Variants in CSMD1 observed in about 807,000 individuals in gnomAD.
The protein encoded by CSMD1 is CUB and Sushi multiple domains 1.
CSMD1 carries 213 observed loss-of-function variants against 417.5 expected under a neutral mutation model. The ratio of observed to expected loss-of-function variants is 0.51; its 90% CI spans 0.46 to 0.57. CSMD1 has a LOEUF of 0.57. Ranked by LOEUF, CSMD1 falls within the 20% of genes least tolerant of loss-of-function variation. The pLI is 0.00. For synonymous variants in CSMD1, 2,862 were observed against 1,736.8 expected (o/e 1.65, Z -16.11); for missense variants, 6,923 against 4,529.7 (o/e 1.53, Z -15.17).
intron 3 of CSMD1, among the ~76,000 whole-genome samples, chr8:4,286,130 A>T (rs149069629): frequency 3.9e-5 from 6 of 152,074 alleles, no homozygotes; most frequent in Non-Finnish European, 8.8e-5. Context: ...ATATGCGCAC[A>T]TAACGTTTTT....
At chr8:3,500,095 C>A (rs1220595302) in intron 10 of CSMD1, among the ~76,000 whole-genome samples, 1 of 152,032 alleles carries the variant, frequency 6.6e-6, no homozygotes, top group Non-Finnish European at 1.5e-5. Context: ...ATCGGGAGTC[C>A]TTTTTTGGCA....
At position 2,954,269 on chromosome 8, in the gene CSMD1, C is replaced by T; in HGVS notation, c.9995-1G>A. On this transcript the variant is annotated splice_acceptor_variant, in intron 64 of 69. Coordinates refer to ENST00000635120, the MANE Select transcript of CSMD1 (RefSeq NM_033225.6). LOFTEE classifies it high-confidence loss of function. ...TCATTAACTTCTCTCACTCCTTTAC[C>T]TACAAGTAAAAAGACAAATTATCAT... 6.8e-7 allele frequency: 1 copy of T among 1,460,968 alleles called. No individual in the cohort carries two copies. Among genetic ancestry groups the T allele is most frequent in the Non-Finnish European group, 9.3e-7 (1 of 1,077,076 alleles). 90.5% of individuals were successfully genotyped at this position (1,460,968 alleles called of 1,614,324 possible). A position where few individuals can be genotyped will look rare whatever the true frequency, so the allele number is the denominator to read the frequency against.
intron 5 of CSMD1, among the ~76,000 whole-genome samples, chr8:3,805,033 T>A (rs1177784491): frequency 6.6e-6 from 1 of 152,160 alleles, no homozygotes; most frequent in African/African-American, 2.4e-5. Context: ...TTGGTCATAT[T>A]CACACTGGAA....
At chr8:4,058,334 T>C (rs1199723097) in intron 3 of CSMD1, among the ~76,000 whole-genome samples, 1 of 152,132 alleles carries the variant, frequency 6.6e-6, no homozygotes, top group East Asian at 1.9e-4. Context: ...GGCTCTCTGT[T>C]TGCCTGTTAT....
Position 4,631,398 on chromosome 8 carries a change from G to T in CSMD1, c.302+5944C>A, listed in dbSNP as rs536753426. ...ATAAAATAAAATGATACCTTGGTTT[G>T]TTTTTTTTTTTTTTTAATCAGTCCA... On this transcript the variant is annotated intron_variant, in intron 2 of 69. Coordinates refer to ENST00000635120, the MANE Select transcript of CSMD1 (RefSeq NM_033225.6). Among the ~76,000 whole-genome samples, 917 of 138,348 alleles carry T rather than the reference G, an allele frequency of 6.6e-3. 10 individuals are homozygous for T. Among genetic ancestry groups the T allele is most frequent in the African/African-American group, 0.021 (779 of 37,930 alleles). 90.8% of individuals were successfully genotyped at this position (138,348 alleles called of 152,430 possible). A position where few individuals can be genotyped will look rare whatever the true frequency, so the allele number is the denominator to read the frequency against.
intron 1 of CSMD1, among the ~76,000 whole-genome samples, chr8:4,938,685 G>C (rs1300051441): frequency 6.6e-6 from 1 of 152,124 alleles, no homozygotes; most frequent in African/African-American, 2.4e-5. Context: ...ATGATAATGG[G>C]GTGGAAAGAA....
chr8:3,638,549 A>G (rs890532856), intron 7 of CSMD1, among the ~76,000 whole-genome samples: 1 of 152,172 alleles, frequency 6.6e-6, no homozygotes, highest in Non-Finnish European at 1.5e-5. Flanking sequence ...GAGATTACAG[A>G]GGGGATGCTT....
At chr8:4,544,725 T>C (rs1942177219) in intron 2 of CSMD1, among the ~76,000 whole-genome samples, 1 of 152,176 alleles carries the variant, frequency 6.6e-6, no homozygotes, top group Non-Finnish European at 1.5e-5. Flanking sequence ...TTCTCAGGCA[T>C]GGGTCAATGT....
At chr8:4,915,639 T>A (rs1016682893) in intron 1 of CSMD1, among the ~76,000 whole-genome samples, 9 of 152,180 alleles carry the variant, frequency 5.9e-5, no homozygotes, top group African/African-American at 9.7e-5. Context: ...TTCCCAACCT[T>A]CACACCCAGA....
intron 1 of CSMD1, among the ~76,000 whole-genome samples, chr8:4,777,993 G>C (rs1031798297): frequency 1.3e-5 from 2 of 152,196 alleles, no homozygotes; most frequent in African/African-American, 4.8e-5. Flanking sequence ...TTGGTTTCAT[G>C]ATGGCAAATT....
intron 7 of CSMD1, among the ~76,000 whole-genome samples, chr8:3,659,133 A>C (rs1798278600): frequency 6.6e-6 from 1 of 152,202 alleles, no homozygotes; most frequent in Admixed American, 6.5e-5. Flanking sequence ...ATAAATCCTT[A>C]AAATAAAATG....
intron 5 of CSMD1, among the ~76,000 whole-genome samples, chr8:3,787,217 G>A (rs1303371442): frequency 1.3e-5 from 2 of 151,930 alleles, no homozygotes; most frequent in South Asian, 2.1e-4. Flanking sequence ...CCTATGCTGA[G>A]GAAAATGAAA....
chr8:4,658,551 A>T (rs1804384179), intron 1 of CSMD1, among the ~76,000 whole-genome samples: 1 of 152,218 alleles, frequency 6.6e-6, no homozygotes, highest in African/African-American at 2.4e-5. Flanking sequence ...AGACATTGAT[A>T]AACTAGAAAT....
chr8:2,964,336 G>A (rs758060199), intron 59 of CSMD1, among the ~76,000 whole-genome samples: 11 of 152,170 alleles, frequency 7.2e-5, no homozygotes, highest in Admixed American at 2.0e-4. Flanking sequence ...CTGTTCACTC[G>A]TTCAACAAAT....
In CSMD1 at chr8:3,534,405, T is replaced by C. The variant is rs71521873; in HGVS notation, c.1344+40540A>G. On this transcript the variant is annotated intron_variant, in intron 10 of 69. Coordinates refer to ENST00000635120, the MANE Select transcript of CSMD1 (RefSeq NM_033225.6). ...CTTTGTAGACTCAGTTTAATGCCTC[T>C]TGATCTTCTCTCCTTTGTTTTGGGC... is the stretch of plus-strand genomic sequence containing the variant. Among the ~76,000 whole-genome samples the C allele has an allele frequency of 3.4e-3, 523 of 152,246 alleles. 4 individuals are homozygous for C. The highest frequency in any genetic ancestry group is 0.014 in the Middle Eastern group (4 of 294).
chr8:4,244,477 G>C (rs1423525047), intron 3 of CSMD1, among the ~76,000 whole-genome samples: 1 of 152,082 alleles, frequency 6.6e-6, no homozygotes, highest in Non-Finnish European at 1.5e-5. Context: ...ATAAATGTAT[G>C]ATTTTGGATA....
intron 5 of CSMD1, among the ~76,000 whole-genome samples, chr8:3,820,203 A>T (rs925762065): frequency 6.6e-6 from 1 of 152,096 alleles, no homozygotes; most frequent in Non-Finnish European, 1.5e-5. Context: ...TATATAAACC[A>T]TGTTTGTTGA....
At chr8:4,133,510 T>G (rs1289283650) in intron 3 of CSMD1, among the ~76,000 whole-genome samples, 2 of 152,202 alleles carry the variant, frequency 1.3e-5, no homozygotes, top group African/African-American at 4.8e-5. Flanking sequence ...CTGCAATTAT[T>G]CCTCATATTC....
At chr8:3,622,739 C>G (rs1160661935) in intron 7 of CSMD1, among the ~76,000 whole-genome samples, 1 of 152,040 alleles carries the variant, frequency 6.6e-6, no homozygotes, top group African/African-American at 2.4e-5. Flanking sequence ...AAAAAGTATG[C>G]TGACACACTG....
Sources: allele counts gnomAD v4.1 joint callset (sites outside exome capture counted in the v4.1 genomes callset), GRCh38; gene constraint gnomAD v4.1.1; transcripts MANE v1.5; gene names NCBI Gene and HGNC (gene_info 2026-07-23, HGNC 2026-07-21).